Variants in PHLDB2 observed in about 807,000 individuals in gnomAD.
The protein encoded by PHLDB2 is pleckstrin homology like domain family B member 2.
Under a neutral mutation model 123.6 loss-of-function variants are expected in PHLDB2, and 71 were observed. The observed-to-expected ratio is 0.57, with a 90% CI of 0.47 to 0.70. The LOEUF (loss-of-function observed/expected upper bound fraction) is 0.70. PHLDB2 is among the 30% of genes least tolerant of loss of function. The probability of loss-of-function intolerance (pLI) is 0.00; values close to 1 mark genes in which losing one functional copy is unlikely to be tolerated. For synonymous variants in PHLDB2, 547 were observed against 541.6 expected (o/e 1.01, Z -0.14); for missense variants, 1,446 against 1,519.5 (o/e 0.95, Z 0.80).
At chr3:111,817,558 A>C (rs1269954942) in intron 1 of PHLDB2, among the ~76,000 whole-genome samples, 3 of 152,162 alleles carry the variant, frequency 2.0e-5, no homozygotes, top group Admixed American at 6.6e-5. Flanking sequence ...TTTATTCTTT[A>C]CTTTTCAAAT....
At chr3:111,908,058 A>C (rs1200442631) in intron 2 of PHLDB2, among the ~76,000 whole-genome samples, 1 of 152,178 alleles carries the variant, frequency 6.6e-6, no homozygotes, top group Non-Finnish European at 1.5e-5. Flanking sequence ...CCACATGGTT[A>C]ATTTCAGTCT....
At chr3:111,770,981 G>A (rs570927493) in intron 1 of PHLDB2, among the ~76,000 whole-genome samples, 2 of 151,584 alleles carry the variant, frequency 1.3e-5, no homozygotes, top group Non-Finnish European at 2.9e-5. Context: ...GAGCCCAGCC[G>A]CCTCATGGCA....
At chr3:111,850,025 C>T (rs1434249847) in intron 2 of PHLDB2, among the ~76,000 whole-genome samples, 2 of 152,150 alleles carry the variant, frequency 1.3e-5, no homozygotes, top group Admixed American at 6.5e-5. Flanking sequence ...CCACACCCAG[C>T]TAATTTTTTG....
Position 111,780,411 on chromosome 3 carries a change from A to T in PHLDB2, c.-49+47708A>T, listed in dbSNP as rs182344279. ...AAGAAGAAGAAGAAGAAGAAGAAGA[A>T]AAAGATTAGTTCGGCCCAACTTTCT... is the stretch of plus-strand genomic sequence containing the variant. On this transcript the variant is annotated intron_variant, in intron 1 of 17. Coordinates refer to the PHLDB2 transcript ENST00000393923. Among the ~76,000 whole-genome samples, 166 of 130,704 alleles carry T rather than the reference A, an allele frequency of 1.3e-3. 7 individuals carry two copies. The highest frequency in any genetic ancestry group is 3.6e-3 in the African/African-American group (118 of 33,098). 85.7% of individuals were successfully genotyped at this position (130,704 alleles called of 152,430 possible).
chr3:111,743,708 T>C (rs939836287), intron 1 of PHLDB2, among the ~76,000 whole-genome samples: 3 of 152,212 alleles, frequency 2.0e-5, no homozygotes, highest in African/African-American at 7.2e-5. Context: ...GTCAGCTTAG[T>C]AGCTCTCAAC....
chr3:111,810,810 A>T (rs1249285659), intron 1 of PHLDB2, among the ~76,000 whole-genome samples: 1 of 152,204 alleles, frequency 6.6e-6, no homozygotes, highest in Non-Finnish European at 1.5e-5. Flanking sequence ...TTGACAACGG[A>T]ATCCTTTGTC....
intron 1 of PHLDB2, among the ~76,000 whole-genome samples, chr3:111,816,496 C>A (rs2062083242): frequency 6.6e-6 from 1 of 152,120 alleles, no homozygotes; most frequent in African/African-American, 2.4e-5. Flanking sequence ...ATTTGACTGC[C>A]CCACTGGATT....
intron 1 of PHLDB2, among the ~76,000 whole-genome samples, chr3:111,818,504 C>T (rs1472173052): frequency 6.6e-6 from 1 of 152,038 alleles, no homozygotes. Flanking sequence ...TGACTTTTTT[C>T]CCAGTAGGCT....
intron 10 of PHLDB2, among the ~76,000 whole-genome samples, chr3:111,949,345 TAAC>T (rs2070552980): frequency 1.4e-5 from 1 of 73,188 alleles, no homozygotes; most frequent in East Asian, 2.4e-4. Flanking sequence ...CTTAGCACTC[TAAC>T]TCAACTTAGT....
intron 6 of PHLDB2, among the ~76,000 whole-genome samples, chr3:111,938,570 G>C (rs376122298): frequency 6.6e-6 from 1 of 152,114 alleles, no homozygotes; most frequent in East Asian, 1.9e-4. Flanking sequence ...AACATATGTT[G>C]AGAAACTGAA....
chr3:111,908,439 T>A (rs1016950017), intron 2 of PHLDB2, among the ~76,000 whole-genome samples: 1 of 152,216 alleles, frequency 6.6e-6, no homozygotes, highest in Non-Finnish European at 1.5e-5. Flanking sequence ...TACAGGTCTG[T>A]TTCTTTCTTA....
rs1316869992 is a variant in PHLDB2 at position 111,791,956 on chromosome 3, T to G, written c.-48-53865T>G. ...ACTATATTTTTGTACCCATTAACCA[T>G]AACCTCTTCATCCCTTCCATCCCCT... On this transcript the variant is annotated intron_variant, in intron 1 of 17. Transcript: ENST00000393923. Among the ~76,000 whole-genome samples, 5 of 152,322 alleles carry G rather than the reference T, an allele frequency of 3.3e-5. No individual in the cohort carries two copies. The East Asian group carries it at 9.6e-4, about 29-fold the overall frequency.
chr3:111,964,624 G>A (rs774865), intron 13 of PHLDB2, among the ~76,000 whole-genome samples: 34,526 of 151,898 alleles, frequency 0.23, 4,208 homozygotes, highest in Middle Eastern at 0.3. Flanking sequence ...TTACAGGCGT[G>A]AGCCACGTTA....
intron 5 of PHLDB2, among the ~76,000 whole-genome samples, chr3:111,929,541 G>T (rs1037871125): frequency 3.3e-5 from 5 of 152,158 alleles, no homozygotes; most frequent in African/African-American, 1.2e-4. Context: ...CTTGCCTAGA[G>T]CTAATTTTCC....
intron 2 of PHLDB2, among the ~76,000 whole-genome samples, chr3:111,913,080 A>G (rs530059546): frequency 2.0e-5 from 3 of 152,358 alleles, no homozygotes; most frequent in Non-Finnish European, 4.4e-5. Context: ...ATACCAATAA[A>G]GGGGAGAGAG....
intron 2 of PHLDB2, among the ~76,000 whole-genome samples, chr3:111,887,794 C>T (rs1435216711): frequency 6.6e-6 from 1 of 152,038 alleles, no homozygotes; most frequent in East Asian, 1.9e-4. Context: ...ACTAAAAAGT[C>T]CTGAAAATCT....
At chr3:111,887,594 G>A (rs1193303417) in intron 2 of PHLDB2, among the ~76,000 whole-genome samples, 2 of 152,170 alleles carry the variant, frequency 1.3e-5, no homozygotes, top group Non-Finnish European at 1.5e-5. Flanking sequence ...AGATAGAGCA[G>A]TATGAATGCC....
chr3:111,955,194 A>C (rs1577186529), intron 12 of PHLDB2, among the ~76,000 whole-genome samples: 1 of 149,222 alleles, frequency 6.7e-6, no homozygotes, highest in East Asian at 1.9e-4. Flanking sequence ...AATCATTACT[A>C]AAGGCGATTT....
At chr3:111,789,926 A>G (rs4429600) in intron 1 of PHLDB2, among the ~76,000 whole-genome samples, 142,633 of 152,182 alleles carry the variant, frequency 0.94, 66,892 homozygotes, top group East Asian at 1. Flanking sequence ...ATATTGTGAA[A>G]TCCATGATCT....
Sources: allele counts gnomAD v4.1 joint callset (sites outside exome capture counted in the v4.1 genomes callset), GRCh38; gene constraint gnomAD v4.1.1; transcripts MANE v1.5; gene names NCBI Gene and HGNC (gene_info 2026-07-23, HGNC 2026-07-21).